OBSL1: variants seen among roughly 807,000 people sequenced by gnomAD.
The protein encoded by OBSL1 is obscurin-like protein 1.
In OBSL1, 160 loss-of-function variants were observed where a neutral mutation model predicts 172.0. The observed-to-expected ratio is 0.93, with a 90% CI of 0.82 to 1.06. The LOEUF is 1.06. OBSL1 is among the 50% of genes least tolerant of loss of function. The pLI is 0.00. For synonymous variants in OBSL1, 1,200 were observed against 1,196.3 expected (o/e 1.00, Z -0.06); for missense variants, 2,681 against 2,715.4 (o/e 0.99, Z 0.28).
At chr2:219,562,750 A>G in intron 7 of OBSL1, 76 bp from the exon 8 acceptor site, 1 of 1,452,872 alleles carries the variant, frequency 6.9e-7, no homozygotes, top group East Asian at 2.5e-5. Context: ...TGTGTTCCCT[A>G]CCCCTGGAAA....
rs200620909 is a variant in OBSL1 at position 219,557,860 on chromosome 2, G to A, written c.3753C>T (p.Pro1251=). 6.1e-4 allele frequency: 982 copies of A among 1,600,326 alleles called. 7 individuals are homozygous for A. In the African/African-American group the frequency reaches 0.011, roughly 18 times the overall value. The change falls in exon 11 of 21, where the codon CCC becomes CCT. Residue 1251 remains proline, a synonymous_variant. Coordinates refer to ENST00000404537, the MANE Select transcript of OBSL1 (RefSeq NM_015311.3). The stretch of plus-strand genomic sequence containing the variant: ...CGGTGAAGCTGAGGCTTGGGGCTCC[G>A]GGGGCTGCTCCAGACTGGCAGGTGT... The part of the protein sequence containing the change: ...GLYTCQSGAA[P]GAPSLSFTVQ...
At chr2:219,554,436 ACAGGTCAG>A (rs1367556172) in intron 15 of OBSL1, 30 bp downstream of exon 15, 2 of 1,605,228 alleles carry the variant, frequency 1.2e-6, no homozygotes, top group Non-Finnish European at 1.7e-6. Context: ...GTAGGGCCAC[ACAGGTCAG>A]CAGGCAGGCT....
At chr2:219,560,481 G>A (rs1454155426) in intron 8 of OBSL1, among the ~76,000 whole-genome samples, 2 of 152,188 alleles carry the variant, frequency 1.3e-5, no homozygotes, top group Non-Finnish European at 2.9e-5. Flanking sequence ...GCCCAGGCCT[G>A]CCCACACCCC....
chr2:219,565,874 C>T (rs760159984), intron 5 of OBSL1, among the ~76,000 whole-genome samples: 1 of 152,148 alleles, frequency 6.6e-6, no homozygotes, highest in Non-Finnish European at 1.5e-5. Flanking sequence ...ACCCCAAGAC[C>T]CCGTGCATGG....
downstream of OBSL1, chr2:219,547,974 C>G (rs200617980): frequency 1.3e-6 from 2 of 1,587,748 alleles, no homozygotes; most frequent in Non-Finnish European, 1.7e-6. Flanking sequence ...CCTGTGCCCC[C>G]ACTCTGCTGG....
intron 20 of OBSL1, chr2:219,551,223 C>G: frequency 7.2e-7 from 1 of 1,389,430 alleles, no homozygotes; most frequent in Non-Finnish European, 9.3e-7. Context: ...AGGAAAGGAA[C>G]TGGTAGAAAC....
chr2:219,564,626 T>C (rs1411424464), intron 6 of OBSL1, among the ~76,000 whole-genome samples: 1 of 152,134 alleles, frequency 6.6e-6, no homozygotes, highest in East Asian at 1.9e-4. Context: ...AGCGAGACAG[T>C]GTTAGTGTAT....
At position 219,557,371 on chromosome 2, in the gene OBSL1, G is replaced by A; in HGVS notation, c.4038C>T (p.Asp1346=). 2 of 1,526,578 alleles carry A rather than the reference G, an allele frequency of 1.3e-6. No individual in the cohort carries two copies. Among genetic ancestry groups the A allele is most frequent in the Non-Finnish European group, 1.8e-6 (2 of 1,133,260 alleles). 94.6% of individuals were successfully genotyped at this position (1,526,578 alleles called of 1,614,324 possible). ...AGEYLCDAPQ[D]SRIFLVSVEE... is the part of the protein sequence containing the mutation. ...CCACGCTGACAAGGAAGATGCGGCT[G>A]TCCTGGGGCGCATCGCACAGGTACT... is the stretch of plus-strand genomic sequence containing the variant. Residue 1346 remains aspartate, a synonymous_variant, in exon 12 of 21, where the codon GAC becomes GAT. Transcript: ENST00000404537.
chr2:219,563,351 C>A lies in OBSL1; in HGVS notation c.2680+4G>T. On this transcript the variant is annotated splice_donor_region_variant and intron_variant, in intron 7 of 20. Transcript: ENST00000404537. ...GTGCCTCCGAGGCCCACCTGGCCCC[C>A]CACCTGTGATGGTGACAGTGAAGTA... is the stretch of plus-strand genomic sequence containing the variant. 2 of 1,555,468 alleles carry A rather than the reference C, an allele frequency of 1.3e-6. No individual in the cohort carries two copies. Among genetic ancestry groups the A allele is most frequent in the South Asian group, 1.2e-5 (1 of 81,528 alleles).
downstream of OBSL1, chr2:219,547,775 G>GT: frequency 2.5e-6 from 4 of 1,594,136 alleles, no homozygotes; most frequent in Non-Finnish European, 3.4e-6. Context: ...GCCAGGCTCC[G>GT]TGTGGGGTCC....
rs1434987067 is a variant in OBSL1 at position 219,556,774 on chromosome 2, C to T, written c.4067-51G>A. 7 of 1,507,884 alleles carry T rather than the reference C, an allele frequency of 4.6e-6. No homozygotes were observed. The Admixed American group carries it at 1.5e-4, about 32-fold the overall frequency. 93.4% of individuals were successfully genotyped at this position (1,507,884 alleles called of 1,614,324 possible). On this transcript the variant is annotated intron_variant, in intron 12 of 20. Transcript: ENST00000404537. ...CTGGGCTGAGTCTTTTCTTCTCTCTCCTTTTCATCCCCTCCTCAGGATGCA... is the reference window on the plus strand; with the variant it reads ...CTGGGCTGAGTCTTTTCTTCTCTCTTCTTTTCATCCCCTCCTCAGGATGCA...
In OBSL1 at chr2:219,567,945, C is replaced by A. The variant is rs760634144; in HGVS notation, c.1307G>T (p.Arg436Leu). The change falls in exon 3 of 21, where the codon CGG becomes CTG. Residue 436 changes from arginine to leucine, a missense_variant. Physicochemically the swap from Arg to Leu is moderately radical, Grantham distance 102. Around this residue, in one of 5 missense-constraint regions of OBSL1, gnomAD observed 706 missense variants for 695.8 expected, o/e 1.01. Transcript: ENST00000404537. ...VKGPILKRLP[R>L]KLDVLEGENA... ...CTCTCCTTCCAGGACGTCGAGCTTC[C>A]GGGGCAGGCGCTTCAGGATGGGCCC... The A allele has an allele frequency of 1.9e-6, 3 of 1,613,822 alleles. No homozygotes were observed. The highest frequency in any genetic ancestry group is 1.7e-5 in the Admixed American group (1 of 60,026).
chr2:219,561,132 A>G (rs1234200291), intron 8 of OBSL1, among the ~76,000 whole-genome samples: 1 of 152,050 alleles, frequency 6.6e-6, no homozygotes, highest in Non-Finnish European at 1.5e-5. Context: ...GTGTGTGTAG[A>G]GTGCATTAGC....
At position 219,563,274 on chromosome 2, in the gene OBSL1, T is replaced by C. The variant is rs11904583; in HGVS notation, c.2680+81A>G. Reference sequence around the variant, plus strand: ...GCAGTAGGGGCGGGGAACAGTGGCCTGGGAGTGAAGGTGTGGCAGCTGTTC... The same window carrying C: ...GCAGTAGGGGCGGGGAACAGTGGCCCGGGAGTGAAGGTGTGGCAGCTGTTC... On this transcript the variant is annotated intron_variant, in intron 7 of 20. Coordinates refer to ENST00000404537, the MANE Select transcript of OBSL1 (RefSeq NM_015311.3). 1 allele frequency: 1,392,695 copies of C among 1,398,664 alleles called. 693,521 individuals carry two copies. Among genetic ancestry groups the C allele is most frequent in the East Asian group, 1 (39,894 of 39,894 alleles). The allele number at this position is 1,398,664 out of a possible 1,614,324, so 86.6% of individuals were successfully genotyped here.
At chr2:219,565,991 C>A (rs538806361) in intron 5 of OBSL1, among the ~76,000 whole-genome samples, 2 of 152,334 alleles carry the variant, frequency 1.3e-5, no homozygotes, top group South Asian at 4.1e-4. Flanking sequence ...CTGTTCTCCT[C>A]AGGGATGCCT....
chr2:219,565,296 C>T lies in OBSL1; in HGVS notation c.2353G>A (p.Glu785Lys), dbSNP rs755748297. 8 of 1,614,004 alleles carry T rather than the reference C, an allele frequency of 5.0e-6. No homozygotes were observed. The highest frequency in any genetic ancestry group is 2.2e-5 in the South Asian group (2 of 91,080). The change falls in exon 6 of 21, where the codon GAG becomes AAG. Residue 785 changes from glutamate to lysine, a missense_variant. Physicochemically the swap from Glu to Lys is moderately conservative, Grantham distance 56 (BLOSUM62 1). Transcript: ENST00000404537. ...LPEAKVQDSGEFECRTEGVSA... is the reference protein window; with the variant it reads ...LPEAKVQDSGKFECRTEGVSA... The stretch of plus-strand genomic sequence containing the variant: ...ACCCCTTCTGTCCTGCACTCAAACT[C>T]GCCACTGTCCTGGACTTTGGCCTCA...
At chr2:219,554,351 A>G in intron 15 of OBSL1, 123 bp downstream of exon 15, 1 of 1,185,484 alleles carries the variant, frequency 8.4e-7, no homozygotes, top group Non-Finnish European at 1.2e-6. Context: ...AGGGATGTCA[A>G]TGAGGGCCAC....
intron 6 of OBSL1, 74 bp downstream of exon 6, chr2:219,565,168 G>C: frequency 6.8e-7 from 1 of 1,475,184 alleles, no homozygotes; most frequent in East Asian, 2.5e-5. Flanking sequence ...GTAGGCAGCA[G>C]ACCAGAGGGC....
At chr2:219,562,987 G>C (rs879346369) in intron 7 of OBSL1, 1 of 486,590 alleles carries the variant, frequency 2.1e-6, no homozygotes, top group Non-Finnish European at 3.6e-6. Context: ...GATGAGAGGA[G>C]GGTTGGGGGG....
Sources: allele counts gnomAD v4.1 joint callset (sites outside exome capture counted in the v4.1 genomes callset), GRCh38; gene constraint gnomAD v4.1.1; regional missense constraint gnomAD v4.1.1; transcripts MANE v1.5; gene names NCBI Gene and HGNC (gene_info 2026-07-23, HGNC 2026-07-21).